The following CMYA5 variants were observed in gnomAD, a reference collection of about 807,000 sequenced individuals.
CMYA5 encodes the protein cardiomyopathy-associated protein 5.
In CMYA5, 246 loss-of-function variants were observed where a neutral mutation model predicts 318.9. That is an observed-to-expected ratio of 0.77 (90% CI 0.70 to 0.86). The LOEUF (loss-of-function observed/expected upper bound fraction) is 0.86. Ranked by LOEUF, CMYA5 falls within the 40% of genes least tolerant of loss-of-function variation. The probability of loss-of-function intolerance (pLI) is 0.00; values close to 1 mark genes in which losing one functional copy is unlikely to be tolerated. For missense variants in CMYA5, 4,589 were observed against 4,678.2 expected (o/e 0.98, Z 0.56); for synonymous variants, 1,641 against 1,729.5 (o/e 0.95, Z 1.27).
At position 79,733,344 on chromosome 5, in the gene CMYA5, C is replaced by T; in HGVS notation, c.4579C>T (p.His1527Tyr). ...TACCTCAGAGGTGTTAGAGCCTGAA[C>T]ATGAGCTTCCACTCAGCCTATGGGG... ...MSTSEVLEPE[H>Y]ELPLSLWGEI... The change falls in exon 2 of 13, where the codon CAT (histidine) becomes TAT (tyrosine). Residue 1527 changes from histidine (H) to tyrosine (Y), a missense_variant. Around this residue, in one of 3 missense-constraint regions of CMYA5, gnomAD observed 2,132 missense variants for 2,131.3 expected, o/e 1.00. Coordinates refer to ENST00000446378, the MANE Select transcript of CMYA5 (RefSeq NM_153610.5). 1.2e-6 allele frequency: 2 copies of T among 1,613,568 alleles called. No homozygotes were observed. Among genetic ancestry groups the T allele is most frequent in the South Asian group, 1.1e-5 (1 of 91,070 alleles).
At chr5:79,796,125 C>T (rs568977114) in intron 12 of CMYA5, among the ~76,000 whole-genome samples, 3 of 152,178 alleles carry the variant, frequency 2.0e-5, no homozygotes, top group African/African-American at 4.8e-5. Flanking sequence ...GAATGACCAA[C>T]GCTGGGCCTG....
chr5:79,745,452 G>A lies in CMYA5; in HGVS notation c.10965G>A (p.Leu3655=), dbSNP rs1580782918. 2 of 1,611,648 alleles carry A rather than the reference G, an allele frequency of 1.2e-6. No homozygotes were observed. The highest frequency in any genetic ancestry group is 4.5e-5 in the East Asian group (2 of 44,862). The change falls in exon 4 of 13, where the codon CTG becomes CTA. Residue 3655 remains leucine, a synonymous_variant. Coordinates refer to ENST00000446378, the MANE Select transcript of CMYA5 (RefSeq NM_153610.5). Reference sequence around the variant, plus strand: ...AGGAGCTTGATGAGGCCGTCTTCCTGACTGTAAGTGCCAAGTAAAATGGGC... The same window carrying A: ...AGGAGCTTGATGAGGCCGTCTTCCTAACTGTAAGTGCCAAGTAAAATGGGC... ...EAEELDEAVF[L]TSFEEINERL...
At chr5:79,721,010 G>A (rs1046621080) in intron 1 of CMYA5, among the ~76,000 whole-genome samples, 1 of 151,956 alleles carries the variant, frequency 6.6e-6, no homozygotes, top group African/African-American at 2.4e-5. Flanking sequence ...AAATACATAA[G>A]GACGTGTAAG....
chr5:79,751,531 CT>C (rs1484657384), intron 5 of CMYA5, among the ~76,000 whole-genome samples: 11 of 152,126 alleles, frequency 7.2e-5, no homozygotes, highest in African/African-American at 2.7e-4. Context: ...AGAAGTCACT[CT>C]TTAAATATTC....
At chr5:79,776,745 C>A (rs1473091780) in intron 9 of CMYA5, among the ~76,000 whole-genome samples, 2 of 152,164 alleles carry the variant, frequency 1.3e-5, no homozygotes, top group African/African-American at 4.8e-5. Context: ...AATGTTGGTG[C>A]TGTCAATGTG....
chr5:79,713,297 GCCCC>G (rs1161319591), intron 1 of CMYA5, among the ~76,000 whole-genome samples: 2 of 24,244 alleles, frequency 8.2e-5, no homozygotes, highest in Non-Finnish European at 1.1e-4. Context: ...GCTGCACCCC[GCCCC>G]CACCCCCCAC....
chr5:79,797,591 T>G (rs1255312796), intron 12 of CMYA5, among the ~76,000 whole-genome samples: 1 of 152,140 alleles, frequency 6.6e-6, no homozygotes, highest in African/African-American at 2.4e-5. Context: ...CACCTTCCTA[T>G]CTCATTGTCA....
At chr5:79,790,463 G>C (rs1829156422) in intron 10 of CMYA5, among the ~76,000 whole-genome samples, 1 of 152,090 alleles carries the variant, frequency 6.6e-6, no homozygotes, top group Non-Finnish European at 1.5e-5. Flanking sequence ...TAGAGACGGG[G>C]TTTCACCATG....
At chr5:79,711,132 T>TC (rs1827381587) in intron 1 of CMYA5, among the ~76,000 whole-genome samples, 1 of 152,024 alleles carries the variant, frequency 6.6e-6, no homozygotes, top group African/African-American at 2.4e-5. Context: ...CTTTGTTTTT[T>TC]CCCCCTGTGG....
intron 5 of CMYA5, among the ~76,000 whole-genome samples, chr5:79,748,383 C>A (rs990721596): frequency 9.2e-5 from 14 of 152,176 alleles, no homozygotes; most frequent in African/African-American, 3.4e-4. Flanking sequence ...AGATCCACTA[C>A]ATCAAAATTT....
At position 79,745,208 on chromosome 5, in the gene CMYA5, T is replaced by G; in HGVS notation, c.10735-14T>G. On this transcript the variant is annotated splice_polypyrimidine_tract_variant and intron_variant, in intron 3 of 12. Coordinates refer to ENST00000446378, the MANE Select transcript of CMYA5 (RefSeq NM_153610.5). ...TTCATTCAGAAGTGGGCTTTTTTGCTTGTTTGTTTTCAGGAAAACTGTAGT... is the reference window on the plus strand; with the variant it reads ...TTCATTCAGAAGTGGGCTTTTTTGCGTGTTTGTTTTCAGGAAAACTGTAGT... The G allele has an allele frequency of 6.6e-7, 1 of 1,515,354 alleles. No individual in the cohort carries two copies. Among genetic ancestry groups the G allele is most frequent in the Non-Finnish European group, 8.9e-7 (1 of 1,120,258 alleles). 93.9% of individuals were successfully genotyped at this position (1,515,354 alleles called of 1,614,324 possible).
rs1439652278 is a variant in CMYA5 at position 79,737,437 on chromosome 5, A to G, written c.8672A>G (p.Asn2891Ser). 1.2e-6 allele frequency: 2 copies of G among 1,613,748 alleles called. No homozygotes were observed. Among genetic ancestry groups the G allele is most frequent in the Non-Finnish European group, 8.5e-7 (1 of 1,179,828 alleles). ...VKEPLSSAKS[N>S]YAQFISNTSA... is the part of the protein sequence containing the mutation. ...GAACCACTGTCTTCAGCAAAAAGCA[A>G]CTATGCTCAATTTATATCTAATACA... is the stretch of plus-strand genomic sequence containing the variant. The change falls in exon 2 of 13, where the codon AAC becomes AGC. Residue 2891 changes from asparagine (N) to serine (S), a missense_variant. This residue lies in a region of CMYA5 where 2,431 missense variants were observed against 2,495.1 expected (regional missense o/e 0.97). Coordinates refer to ENST00000446378, the MANE Select transcript of CMYA5 (RefSeq NM_153610.5).
intron 7 of CMYA5, among the ~76,000 whole-genome samples, chr5:79,760,597 G>A (rs1828632856): frequency 6.6e-6 from 1 of 152,152 alleles, no homozygotes; most frequent in Non-Finnish European, 1.5e-5. Flanking sequence ...AGCAGGAAGT[G>A]CTACACACTT....
intron 1 of CMYA5, among the ~76,000 whole-genome samples, chr5:79,690,785 T>C (rs1466794129): frequency 6.6e-6 from 1 of 152,206 alleles, no homozygotes; most frequent in African/African-American, 2.4e-5. Flanking sequence ...TTGGGTTTTT[T>C]CCTGACTGTG....
chr5:79,786,469 A>G (rs1397937997), intron 9 of CMYA5, among the ~76,000 whole-genome samples: 2 of 152,208 alleles, frequency 1.3e-5, no homozygotes, highest in Non-Finnish European at 2.9e-5. Flanking sequence ...CTAAGCACCA[A>G]CTAAGTACCA....
chr5:79,790,809 G>A lies in CMYA5; in HGVS notation c.11690-161G>A, dbSNP rs566116597. Reference sequence around the variant, plus strand: ...TAACCAGCCACCGGCATCCACGAAGGCCTTATCATGAGTGAAGTTTTCAGC... The same window carrying A: ...TAACCAGCCACCGGCATCCACGAAGACCTTATCATGAGTGAAGTTTTCAGC... On this transcript the variant is annotated intron_variant, in intron 10 of 12. Transcript: ENST00000446378. Among the ~76,000 whole-genome samples the A allele has an allele frequency of 1.4e-4, 22 of 152,318 alleles. No homozygotes were observed. The South Asian group carries it at 4.6e-3, about 32-fold the overall frequency.
Position 79,731,860 on chromosome 5 carries a change from C to T in CMYA5, c.3095C>T (p.Ala1032Val). Reference protein sequence around the residue: ...EPDSLLTAVSASGYSCFSEAD... With the variant: ...EPDSLLTAVSVSGYSCFSEAD... ...GATTCACTATTAACTGCAGTGTCTG[C>T]TTCAGGTTATTCCTGCTTTTCAGAA... The change falls in exon 2 of 13, where the codon GCT (alanine) becomes GTT (valine). Residue 1032 changes from alanine (A) to valine (V), a missense_variant. Physicochemically the swap from Ala to Val is moderately conservative, Grantham distance 64. This residue lies in a region of CMYA5 where 2,132 missense variants were observed against 2,131.3 expected (regional missense o/e 1.00). Coordinates refer to ENST00000446378, the MANE Select transcript of CMYA5 (RefSeq NM_153610.5). 1 of 1,613,584 alleles carries T rather than the reference C, an allele frequency of 6.2e-7. No homozygotes were observed. Among genetic ancestry groups the T allele is most frequent in the African/African-American group, 1.3e-5 (1 of 75,058 alleles).
At chr5:79,789,172 A>G (rs1829133931) in intron 10 of CMYA5, 68 bp downstream of exon 10, 1 of 1,577,540 alleles carries the variant, frequency 6.3e-7, no homozygotes, top group East Asian at 2.3e-5. Flanking sequence ...CTCAGAGAAG[A>G]TGTCCTAGAG....
At position 79,730,612 on chromosome 5, in the gene CMYA5, T is replaced by C; in HGVS notation, c.1847T>C (p.Val616Ala). ...HELQEQEGEP[V>A]PPSNVEAIAE... ...TTACAGGAGCAAGAAGGTGAGCCAG[T>C]TCCCCCATCCAATGTAGAAGCTATA... Residue 616 changes from valine (V) to alanine (A), a missense_variant, in exon 2 of 13, where the codon GTT becomes GCT. Physicochemically the swap from Val to Ala is moderately conservative, Grantham distance 64 (BLOSUM62 0). Transcript: ENST00000446378. The C allele has an allele frequency of 2.5e-6, 4 of 1,614,012 alleles. No individual in the cohort carries two copies. Among genetic ancestry groups the C allele is most frequent in the Non-Finnish European group, 3.4e-6 (4 of 1,179,876 alleles).
Sources: allele counts gnomAD v4.1 joint callset (sites outside exome capture counted in the v4.1 genomes callset), GRCh38; gene constraint gnomAD v4.1.1; regional missense constraint gnomAD v4.1.1; transcripts MANE v1.5; gene names NCBI Gene and HGNC (gene_info 2026-07-23, HGNC 2026-07-21).